Variants in TNFRSF10D observed in about 807,000 individuals in gnomAD.
The protein encoded by TNFRSF10D is TNF receptor superfamily member 10d.
Under a neutral mutation model 42.1 loss-of-function variants are expected in TNFRSF10D, and 28 were observed. That is an observed-to-expected ratio of 0.66 (90% confidence interval 0.49 to 0.91). The LOEUF (loss-of-function observed/expected upper bound fraction) is 0.91, where lower values mean the gene tolerates loss of function less well. Ranked by LOEUF, TNFRSF10D falls within the 40% of genes least tolerant of loss-of-function variation. TNFRSF10D has a pLI of 0.00. For missense variants in TNFRSF10D, 503 were observed against 486.1 expected, an observed-to-expected ratio of 1.03 and a Z score of -0.33; for synonymous variants, 186 against 189.4, an observed-to-expected ratio of 0.98 and a Z score of 0.15.
Position 23,145,747 on chromosome 8 carries a change from T to G in TNFRSF10D, c.657A>C (p.Leu219Phe), listed in dbSNP as rs1489260950. 1.2e-6 allele frequency: 2 copies of G among 1,614,154 alleles called. No homozygotes were observed. Among genetic ancestry groups the G allele is most frequent in the South Asian group, 2.2e-5 (2 of 91,080 alleles). ...PYHYLIIIVV[L>F]VIILAVVVVG... ...CCACAACCACAGCTAAAATGATGAC[T>G]AAAACCACTATGATGATAAGGTAGT... Residue 219 changes from leucine to phenylalanine, a missense_variant, in exon 5 of 9, where the codon TTA becomes TTC. Physicochemically the swap from Leu to Phe is conservative, Grantham distance 22 (BLOSUM62 0). Coordinates refer to ENST00000312584, the MANE Select transcript of TNFRSF10D (RefSeq NM_003840.5).
intron 7 of TNFRSF10D, 130 bp from the exon 8 acceptor site, chr8:23,138,390 C>A: frequency 1.1e-6 from 1 of 873,220 alleles, no homozygotes; most frequent in Non-Finnish European, 1.8e-6. Context: ...TGGAGACAAA[C>A]CTCTGGTCCT....
At chr8:23,143,900 A>G (rs191225815) in intron 7 of TNFRSF10D, among the ~76,000 whole-genome samples, 786 of 152,232 alleles carry the variant, frequency 5.2e-3, no homozygotes, top group African/African-American at 0.018. Flanking sequence ...CAGATTTCAC[A>G]CCTACTCAAT....
intron 2 of TNFRSF10D, among the ~76,000 whole-genome samples, chr8:23,153,793 A>G (rs1348356470): frequency 6.6e-6 from 1 of 152,248 alleles, no homozygotes; most frequent in East Asian, 1.9e-4. Context: ...TAGTACATCC[A>G]TTATGGAAAA....
intron 1 of TNFRSF10D, 100 bp downstream of exon 1, chr8:23,163,686 C>T (rs1382232462): frequency 6.6e-7 from 1 of 1,505,798 alleles, no homozygotes; most frequent in Non-Finnish European, 8.9e-7. Context: ...CGGCCGCAGG[C>T]GACCCGGGCC....
chr8:23,146,593 G>A (rs1180273877), intron 4 of TNFRSF10D, among the ~76,000 whole-genome samples: 938 of 152,132 alleles, frequency 6.2e-3, no homozygotes, highest in African/African-American at 0.019. Flanking sequence ...CCAACTTAGA[G>A]TAAGGAAAAA....
At chr8:23,140,251 T>C (rs1358352525) in intron 7 of TNFRSF10D, among the ~76,000 whole-genome samples, 1 of 152,168 alleles carries the variant, frequency 6.6e-6, no homozygotes, top group African/African-American at 2.4e-5. Flanking sequence ...ATCGCGCCAC[T>C]GCACTCCAGC....
In TNFRSF10D at chr8:23,140,280, C is replaced by T. The variant is rs1346136521; in HGVS notation, c.955-2020G>A. Reference sequence around the variant, plus strand: ...CTCCAGCCTGGGTGACAGAGCAAGACTCTGTCTCAAAAAGAAAAAAAATCA... The same window carrying T: ...CTCCAGCCTGGGTGACAGAGCAAGATTCTGTCTCAAAAAGAAAAAAAATCA... On this transcript the variant is annotated intron_variant, in intron 7 of 8. Transcript: ENST00000312584. Among the ~76,000 whole-genome samples, 4 of 150,594 alleles carry T rather than the reference C, an allele frequency of 2.7e-5. No homozygotes were observed. In the East Asian group the frequency reaches 7.8e-4, roughly 29 times the overall value.
chr8:23,137,594 C>T lies in TNFRSF10D; in HGVS notation c.*276G>A, dbSNP rs1249918168. 3 of 281,152 alleles carry T rather than the reference C, an allele frequency of 1.1e-5. No individual in the cohort carries two copies. Among genetic ancestry groups the T allele is most frequent in the East Asian group, 7.3e-5 (1 of 13,776 alleles). The allele number at this position is 281,152 out of a possible 1,614,324, so 17.4% of individuals were successfully genotyped here. On this transcript the variant is annotated 3_prime_UTR_variant, in exon 9 of 9. Transcript: ENST00000312584. Reference sequence around the variant, plus strand: ...TGCTGGGATTACAGGCATGAGCCACCGCATGTGGCCTAAAACGACCCTTAA... The same window carrying T: ...TGCTGGGATTACAGGCATGAGCCACTGCATGTGGCCTAAAACGACCCTTAA...
intron 3 of TNFRSF10D, among the ~76,000 whole-genome samples, chr8:23,147,358 ACT>A (rs1800134981): frequency 6.6e-6 from 1 of 152,110 alleles, no homozygotes; most frequent in Non-Finnish European, 1.5e-5. Flanking sequence ...CACCTGAGAG[ACT>A]CTGCAAGGAG....
chr8:23,144,730 A>G, intron 6 of TNFRSF10D, 95 bp from the exon 7 acceptor site: 1 of 1,446,986 alleles, frequency 6.9e-7, no homozygotes, highest in African/African-American at 1.4e-5. Flanking sequence ...AACCCCTTCC[A>G]ATGAGGTCAC....
chr8:23,143,057 G>A (rs941222806), intron 7 of TNFRSF10D, among the ~76,000 whole-genome samples: 1 of 151,050 alleles, frequency 6.6e-6, no homozygotes, highest in African/African-American at 2.5e-5. Flanking sequence ...GCTCACTGCA[G>A]GCTCCGCCTC....
At chr8:23,142,920 G>A (rs1017670329) in intron 7 of TNFRSF10D, among the ~76,000 whole-genome samples, 1 of 152,028 alleles carries the variant, frequency 6.6e-6, no homozygotes, top group Non-Finnish European at 1.5e-5. Flanking sequence ...GAAGGGCTGG[G>A]GGCTGGAGGA....
chr8:23,157,004 CT>C (rs879370169), intron 1 of TNFRSF10D, among the ~76,000 whole-genome samples: 1 of 151,898 alleles, frequency 6.6e-6, no homozygotes, highest in African/African-American at 2.4e-5. Flanking sequence ...ACATATTTTT[CT>C]TTTTTTGACA....
At chr8:23,141,800 T>G (rs1223189171) in intron 7 of TNFRSF10D, among the ~76,000 whole-genome samples, 4 of 152,100 alleles carry the variant, frequency 2.6e-5, no homozygotes, top group African/African-American at 9.7e-5. Flanking sequence ...TGGCGATTAT[T>G]AAAAAGCCAG....
intron 2 of TNFRSF10D, 124 bp from the exon 3 acceptor site, chr8:23,148,675 T>C: frequency 1.6e-6 from 1 of 626,314 alleles, no homozygotes; most frequent in Non-Finnish European, 2.8e-6. Flanking sequence ...TCTTCTTGGC[T>C]TGGTCTTGTC....
At position 23,135,653 on chromosome 8, in the gene TNFRSF10D, T is replaced by C. The variant is rs1814304077; in HGVS notation, c.*2217A>G. 3.8e-6 allele frequency: 1 copy of C among 261,886 alleles called. No homozygotes were observed. Among genetic ancestry groups the C allele is most frequent in the Non-Finnish European group, 7.7e-6 (1 of 130,692 alleles). The allele number at this position is 261,886 out of a possible 1,614,324, so 16.2% of individuals were successfully genotyped here. On this transcript the variant is annotated 3_prime_UTR_variant, in exon 9 of 9. Coordinates refer to ENST00000312584, the MANE Select transcript of TNFRSF10D (RefSeq NM_003840.5). ...TATGAGTATTTCATATATAACCAGG[T>C]GTTATGTGCTATTTGGCCCGGGTAT...
chr8:23,140,015 T>C (rs113598752), intron 7 of TNFRSF10D, among the ~76,000 whole-genome samples: 2,371 of 151,710 alleles, frequency 0.016, 59 homozygotes, highest in African/African-American at 0.043. Context: ...CGTAGCTGGG[T>C]ACGGTGGCTC....
intron 7 of TNFRSF10D, among the ~76,000 whole-genome samples, chr8:23,142,276 A>G (rs902974218): frequency 2.0e-5 from 3 of 151,924 alleles, no homozygotes; most frequent in Non-Finnish European, 4.4e-5. Context: ...CTCTCAAAAA[A>G]AAAAAGGGAA....
rs1800265982 is a variant in TNFRSF10D at position 23,155,576 on chromosome 8, GGGCATGGTGGC to G, written c.151-608_151-598del. Among the ~76,000 whole-genome samples the G allele has an allele frequency of 2.0e-5, 3 of 152,066 alleles. No individual in the cohort carries two copies. The East Asian group carries it at 5.8e-4, about 29-fold the overall frequency. On this transcript the variant is annotated intron_variant, in intron 1 of 8. Transcript: ENST00000312584. ...CTACTAAAAATACAAAAAATTAGCT[GGGCATGGTGGC>G]GGGCACCTGTAACCCCAGCTACTTG...
Sources: gnomAD v4.1 joint callset for allele counts (sites outside exome capture counted in the v4.1 genomes callset) on GRCh38, gnomAD v4.1.1 for gene constraint, MANE v1.5 for transcripts, NCBI Gene and HGNC (gene_info 2026-07-23, HGNC 2026-07-21) for gene names.